Variants in DOP1A observed in about 807,000 individuals in gnomAD.
DOP1A encodes protein DOP1A.
A neutral mutation model predicts 267.6 loss-of-function variants in DOP1A; 90 were observed. The observed-to-expected ratio is 0.34, with a 90% CI of 0.28 to 0.40. The LOEUF (loss-of-function observed/expected upper bound fraction) is 0.40. DOP1A is among the 10% of genes least tolerant of loss of function. The probability of loss-of-function intolerance (pLI) is 1.00; values close to 1 mark genes in which losing one functional copy is unlikely to be tolerated. For missense variants in DOP1A, 2,437 were observed against 2,900.4 expected (o/e 0.84, Z 3.67); for synonymous variants, 932 against 999.1 (o/e 0.93, Z 1.27).
Position 83,100,180 on chromosome 6 carries a change from A to G in DOP1A, c.139-525A>G, listed in dbSNP as rs16881046. On this transcript the variant is annotated intron_variant, in intron 3 of 38. Coordinates refer to ENST00000349129, the MANE Select transcript of DOP1A (RefSeq NM_015018.4). ...TGTCCAGTTAGAAAAATCAGTTTAT[A>G]AAAACAAATGGGCAATGATAATCTC... Among the ~76,000 whole-genome samples the G allele has an allele frequency of 5.9e-3, 905 of 152,312 alleles. 32 individuals carry two copies. Among genetic ancestry groups the G allele is most frequent in the Admixed American group, 0.046 (705 of 15,294 alleles).
intron 15 of DOP1A, among the ~76,000 whole-genome samples, chr6:83,127,998 C>G (rs1417899789): frequency 6.6e-6 from 1 of 152,094 alleles, no homozygotes; most frequent in Non-Finnish European, 1.5e-5. Context: ...CTTAACCCCT[C>G]TACTGATATG....
intron 38 of DOP1A, among the ~76,000 whole-genome samples, chr6:83,163,660 AAC>A (rs1784760098): frequency 6.6e-6 from 1 of 152,158 alleles, no homozygotes; most frequent in African/African-American, 2.4e-5. Flanking sequence ...AGTTTCACAA[AAC>A]AGTTCTTGCC....
chr6:83,100,815 G>T lies in DOP1A; in HGVS notation c.249G>T (p.Ala83=). 6.3e-7 allele frequency: 1 copy of T among 1,591,496 alleles called. No individual in the cohort carries two copies. The highest frequency in any genetic ancestry group is 8.6e-7 in the Non-Finnish European group (1 of 1,167,254). ...PALPGGVHRK[A]LETYEIIFKI... ...TACCAGGTGGAGTTCATCGGAAGGC[G>T]CTTGAAACATATGAAATTATCTTCA... Residue 83 remains alanine, a synonymous_variant, in exon 4 of 39, where the codon GCG becomes GCT. Coordinates refer to ENST00000349129, the MANE Select transcript of DOP1A (RefSeq NM_015018.4).
At chr6:83,131,952 A>G (rs1562337533) in intron 17 of DOP1A, among the ~76,000 whole-genome samples, 1 of 152,196 alleles carries the variant, frequency 6.6e-6, no homozygotes, top group East Asian at 1.9e-4. Flanking sequence ...CTGATGTCTG[A>G]AAACAAATAT....
intron 7 of DOP1A, among the ~76,000 whole-genome samples, chr6:83,118,521 A>G (rs1775843027): frequency 6.6e-6 from 1 of 152,190 alleles, no homozygotes; most frequent in Non-Finnish European, 1.5e-5. Flanking sequence ...AGGAGTTTAT[A>G]GTCAGTTGAC....
intron 1 of DOP1A, among the ~76,000 whole-genome samples, chr6:83,083,628 G>A (rs893914151): frequency 6.6e-6 from 1 of 152,164 alleles, no homozygotes; most frequent in Non-Finnish European, 1.5e-5. Context: ...GCTTAGTATA[G>A]TGCCTGGCAC....
At chr6:83,141,462 G>A (rs1056443365) in intron 23 of DOP1A, among the ~76,000 whole-genome samples, 1 of 152,152 alleles carries the variant, frequency 6.6e-6, no homozygotes, top group African/African-American at 2.4e-5. Flanking sequence ...GGGATCCAAG[G>A]GAACACATAG....
chr6:83,104,132 A>G lies in DOP1A; in HGVS notation c.320+3246A>G, dbSNP rs372735499. On this transcript the variant is annotated intron_variant, in intron 4 of 38. Transcript: ENST00000349129. ...TTGCTGCTAGAATGTAGAAATATGA[A>G]GGTGTTTTTCTGTATTGACATTGTA... 5.3e-5 allele frequency among the ~76,000 whole-genome samples: 8 copies of G among 152,268 alleles called. No individual in the cohort carries two copies. The East Asian group carries it at 1.5e-3, about 29-fold the overall frequency.
At chr6:83,134,111 A>C in intron 18 of DOP1A, 76 bp from the exon 19 acceptor site, 1 of 1,225,702 alleles carries the variant, frequency 8.2e-7, no homozygotes, top group East Asian at 2.4e-5. Context: ...ACTCCTAAAT[A>C]GTACTCTGAT....
At chr6:83,169,598 A>G (rs1257919680), downstream of DOP1A, 3 of 466,318 alleles carry the variant, frequency 6.4e-6, no homozygotes, top group Non-Finnish European at 1.2e-5. Flanking sequence ...AAAATTCAAT[A>G]AAACTTTAAT....
chr6:83,108,829 T>G, intron 4 of DOP1A, 81 bp from the exon 5 acceptor site: 2 of 1,315,648 alleles, frequency 1.5e-6, no homozygotes, highest in Non-Finnish European at 2.1e-6. Flanking sequence ...CAGAAAGAAA[T>G]ATTTATACAT....
At chr6:83,142,940 G>T (rs1779894476) in intron 24 of DOP1A, among the ~76,000 whole-genome samples, 1 of 152,022 alleles carries the variant, frequency 6.6e-6, no homozygotes, top group South Asian at 2.1e-4. Flanking sequence ...TAAAATATAT[G>T]ATTTTTTCCA....
intron 4 of DOP1A, among the ~76,000 whole-genome samples, chr6:83,107,507 C>G (rs1773840413): frequency 6.6e-6 from 1 of 152,188 alleles, no homozygotes; most frequent in South Asian, 2.1e-4. Context: ...GGACATGGTG[C>G]TTGAAACTTA....
At chr6:83,073,091 CTT>C in intron 1 of DOP1A, 2 of 226,020 alleles carry the variant, frequency 8.8e-6, no homozygotes, top group Middle Eastern at 8.9e-4. Flanking sequence ...TTTCCTTTTT[CTT>C]TTTTTTTGAG....
intron 4 of DOP1A, among the ~76,000 whole-genome samples, chr6:83,102,294 TAC>T (rs1348094805): frequency 1.3e-5 from 2 of 152,238 alleles, no homozygotes; most frequent in South Asian, 4.1e-4. Context: ...ACCTCCGGTG[TAC>T]ACAGTCTGTT....
chr6:83,140,386 A>G lies in DOP1A; in HGVS notation c.5398A>G (p.Asn1800Asp). 6.2e-7 allele frequency: 1 copy of G among 1,608,326 alleles called. No homozygotes were observed. Among genetic ancestry groups the G allele is most frequent in the Non-Finnish European group, 8.5e-7 (1 of 1,178,516 alleles). Reference protein sequence around the residue: ...IAASASLTTINLGATKNLRQQ... With the variant: ...IAASASLTTIDLGATKNLRQQ... ...CGCATCCGCATCTCTTACCACTATT[A>G]ATCTTGGAGCTACAAAGGTTAGACA... Residue 1800 changes from asparagine to aspartate, a missense_variant, in exon 23 of 39, where the codon AAT becomes GAT. Asn to Asp is a conservative substitution (Grantham distance 23, BLOSUM62 1). Coordinates refer to ENST00000349129, the MANE Select transcript of DOP1A (RefSeq NM_015018.4).
chr6:83,077,383 T>C (rs148809343), intron 1 of DOP1A, among the ~76,000 whole-genome samples: 17 of 152,144 alleles, frequency 1.1e-4, no homozygotes, highest in African/African-American at 3.9e-4. Context: ...TAAAAAGGAC[T>C]ATAGGCTGGG....
At chr6:83,146,293 A>G (rs896224627) in intron 25 of DOP1A, among the ~76,000 whole-genome samples, 1 of 152,232 alleles carries the variant, frequency 6.6e-6, no homozygotes, top group Non-Finnish European at 1.5e-5. Flanking sequence ...TACCAACTAC[A>G]AACATTAGAC....
At chr6:83,166,967 T>C (rs890897875) in intron 38 of DOP1A, 1 of 986,180 alleles carries the variant, frequency 1.0e-6, no homozygotes. Context: ...GTATCTGTGA[T>C]TCTGCCCAAG....
Sources: allele counts gnomAD v4.1 joint callset (sites outside exome capture counted in the v4.1 genomes callset), GRCh38; gene constraint gnomAD v4.1.1; transcripts MANE v1.5; gene names NCBI Gene and HGNC (gene_info 2026-07-23, HGNC 2026-07-21).